Variants in GRIK4 observed in about 807,000 individuals in gnomAD.
GRIK4 encodes the protein glutamate receptor ionotropic, kainate 4.
GRIK4 carries 40 observed loss-of-function variants against 104.9 expected under a neutral mutation model. The observed-to-expected ratio is 0.38, with a 90% CI of 0.30 to 0.50. GRIK4 has a LOEUF of 0.50. GRIK4 is among the 20% of genes least tolerant of loss of function. The pLI is 0.93. For synonymous variants in GRIK4, 485 were observed against 524.9 expected, an observed-to-expected ratio of 0.92 and a Z score of 1.04; for missense variants, 1,047 against 1,308.1, an observed-to-expected ratio of 0.80 and a Z score of 3.08.
chr11:120,532,280 C>T (rs951131833), intron 1 of GRIK4, among the ~76,000 whole-genome samples: 3 of 152,168 alleles, frequency 2.0e-5, no homozygotes, highest in African/African-American at 4.8e-5. Context: ...CTCTGCAGCC[C>T]TGTGGGCCCT....
intron 1 of GRIK4, among the ~76,000 whole-genome samples, chr11:120,590,733 A>G (rs1253901183): frequency 6.6e-6 from 1 of 152,130 alleles, no homozygotes; most frequent in East Asian, 1.9e-4. Flanking sequence ...CTTCTGCCAC[A>G]GGGTCCTTGC....
chr11:120,850,903 C>T (rs1953959338), intron 8 of GRIK4, among the ~76,000 whole-genome samples: 1 of 151,332 alleles, frequency 6.6e-6, no homozygotes. Flanking sequence ...TTAAGCAATC[C>T]AGCTTCTCCA....
At chr11:120,659,864 T>A (rs1949781636) in intron 2 of GRIK4, among the ~76,000 whole-genome samples, 1 of 152,224 alleles carries the variant, frequency 6.6e-6, no homozygotes, top group Non-Finnish European at 1.5e-5. Flanking sequence ...CCCGAGTAGC[T>A]GGAATTACAG....
At chr11:120,694,894 C>T (rs1456606959) in intron 3 of GRIK4, among the ~76,000 whole-genome samples, 1 of 152,226 alleles carries the variant, frequency 6.6e-6, no homozygotes, top group Non-Finnish European at 1.5e-5. Context: ...CAGCCCGTAA[C>T]ACTTCCCATT....
At chr11:120,844,339 G>A (rs1953799482) in intron 8 of GRIK4, among the ~76,000 whole-genome samples, 1 of 152,098 alleles carries the variant, frequency 6.6e-6, no homozygotes, top group Non-Finnish European at 1.5e-5. Context: ...CCAGCACCCT[G>A]TGTTCTTGTT....
intron 1 of GRIK4, among the ~76,000 whole-genome samples, chr11:120,563,810 C>T (rs1043887032): frequency 1.8e-4 from 28 of 152,218 alleles, no homozygotes; most frequent in Non-Finnish European, 3.8e-4. Context: ...CTGGAATCTC[C>T]ACCTGCTGTT....
chr11:120,565,050 C>G (rs1412314510), intron 1 of GRIK4, among the ~76,000 whole-genome samples: 1 of 152,236 alleles, frequency 6.6e-6, no homozygotes, highest in East Asian at 1.9e-4. Flanking sequence ...CCGCTGGGGA[C>G]TGTTTGCGGT....
chr11:120,614,825 C>T (rs959360727), intron 1 of GRIK4, among the ~76,000 whole-genome samples: 7 of 152,056 alleles, frequency 4.6e-5, no homozygotes, highest in East Asian at 3.9e-4. Context: ...TGGTGAAACC[C>T]CGTCTCTACT....
At chr11:120,618,632 C>A (rs201218146) in intron 1 of GRIK4, among the ~76,000 whole-genome samples, 152 of 152,352 alleles carry the variant, frequency 1.0e-3, no homozygotes, top group African/African-American at 3.6e-3. Flanking sequence ...GGCCCTGCTG[C>A]CTTGCACAGC....
At chr11:120,777,453 G>A (rs994576302) in intron 3 of GRIK4, among the ~76,000 whole-genome samples, 1 of 152,230 alleles carries the variant, frequency 6.6e-6, no homozygotes, top group African/African-American at 2.4e-5. Context: ...CGCTCCAGCC[G>A]CCATTCATGT....
chr11:120,944,411 A>T (rs1943806939), intron 14 of GRIK4, among the ~76,000 whole-genome samples: 1 of 152,032 alleles, frequency 6.6e-6, no homozygotes, highest in South Asian at 2.1e-4. Flanking sequence ...TCTCACAGGC[A>T]CCCCAAAAAC....
chr11:120,560,471 C>T (rs539700333), intron 1 of GRIK4, among the ~76,000 whole-genome samples: 43 of 152,300 alleles, frequency 2.8e-4, no homozygotes, highest in Non-Finnish European at 4.6e-4. Context: ...TTGAATTCAT[C>T]AATGAGTCTC....
chr11:120,739,812 G>T (rs532268895), intron 3 of GRIK4, among the ~76,000 whole-genome samples: 1 of 152,170 alleles, frequency 6.6e-6, no homozygotes. Flanking sequence ...GATAATTTAC[G>T]CTGATCTGGT....
At chr11:120,975,559 G>A (rs996716955) in intron 19 of GRIK4, among the ~76,000 whole-genome samples, 2 of 152,164 alleles carry the variant, frequency 1.3e-5, no homozygotes, top group African/African-American at 4.8e-5. Context: ...ACTGTTGTCT[G>A]GAAACTGGGC....
At chr11:120,530,277 G>C (rs777987130) in intron 1 of GRIK4, among the ~76,000 whole-genome samples, 1 of 152,226 alleles carries the variant, frequency 6.6e-6, no homozygotes, top group African/African-American at 2.4e-5. Flanking sequence ...GTGAGCAAAT[G>C]AATCGGTCGA....
intron 11 of GRIK4, among the ~76,000 whole-genome samples, chr11:120,884,365 G>A (rs1204604198): frequency 6.6e-6 from 1 of 152,188 alleles, no homozygotes; most frequent in Admixed American, 6.5e-5. Flanking sequence ...TATTCCCGGA[G>A]TCTCGCTTCT....
At chr11:120,672,699 TG>T (rs1950040389) in intron 3 of GRIK4, among the ~76,000 whole-genome samples, 1 of 151,176 alleles carries the variant, frequency 6.6e-6, no homozygotes, top group Non-Finnish European at 1.5e-5. Flanking sequence ...CAATTGTGAA[TG>T]CGAGTTTGCT....
chr11:120,929,023 A>ACG (rs2134599857), intron 13 of GRIK4, among the ~76,000 whole-genome samples: 1 of 89,588 alleles, frequency 1.1e-5, no homozygotes, highest in South Asian at 3.7e-4. Context: ...GTGTGCGCAC[A>ACG]TGTGTGTGTG....
chr11:120,834,663 G>A (rs1459848457), intron 7 of GRIK4, among the ~76,000 whole-genome samples: 2 of 152,182 alleles, frequency 1.3e-5, no homozygotes, highest in African/African-American at 2.4e-5. Context: ...CAGTGTGCAC[G>A]TGGGAGTCCA....
Sources: gnomAD v4.1 joint callset for allele counts (sites outside exome capture counted in the v4.1 genomes callset) on GRCh38, gnomAD v4.1.1 for gene constraint, MANE v1.5 for transcripts, NCBI Gene and HGNC (gene_info 2026-07-23, HGNC 2026-07-21) for gene names.